CDYL: variants seen among roughly 807,000 people sequenced by gnomAD.
The protein encoded by CDYL is chromodomain Y-like protein.
In CDYL, 8 loss-of-function variants were observed where a neutral mutation model predicts 47.3. The observed-to-expected ratio is 0.17, with a 90% CI of 0.10 to 0.31. CDYL has a LOEUF of 0.31. CDYL is among the 10% of genes least tolerant of loss of function. CDYL has a pLI of 1.00. For synonymous variants in CDYL, 266 were observed against 265.0 expected (o/e 1.00, Z -0.04); for missense variants, 471 against 701.4 (o/e 0.67, Z 3.71).
chr6:4,878,859 T>C (rs897413674), intron 1 of CDYL, among the ~76,000 whole-genome samples: 2 of 152,150 alleles, frequency 1.3e-5, no homozygotes, highest in African/African-American at 4.8e-5. Context: ...AATTATTTTT[T>C]TCTAAGGTGA....
chr6:4,789,932 AAGCTGCCCTTT>A (rs1408843666), intron 1 of CDYL, among the ~76,000 whole-genome samples: 4 of 152,170 alleles, frequency 2.6e-5, no homozygotes, highest in Non-Finnish European at 5.9e-5. Flanking sequence ...AGACGACAGA[AAGCTGCCCTTT>A]ATGCCTTTGT....
intron 2 of CDYL, among the ~76,000 whole-genome samples, chr6:4,935,259 C>G (rs1009223124): frequency 2.6e-5 from 4 of 152,164 alleles, no homozygotes; most frequent in African/African-American, 4.8e-5. Flanking sequence ...TATGTAGCTT[C>G]CTTTCAATAA....
At chr6:4,837,738 C>G (rs1760364568) in intron 1 of CDYL, among the ~76,000 whole-genome samples, 1 of 151,318 alleles carries the variant, frequency 6.6e-6, no homozygotes, top group Non-Finnish European at 1.5e-5. Flanking sequence ...GCTGGGCTTA[C>G]AGGCACATGA....
At chr6:4,877,427 TGACG>T in intron 1 of CDYL, among the ~76,000 whole-genome samples, 1 of 152,338 alleles carries the variant, frequency 6.6e-6, no homozygotes, top group East Asian at 1.9e-4. Context: ...GTCACAAGGA[TGACG>T]TTGGTTTGCT....
chr6:4,761,048 A>G (rs553980586), intron 3 of CDYL, among the ~76,000 whole-genome samples: 1 of 152,282 alleles, frequency 6.6e-6, no homozygotes, highest in African/African-American at 2.4e-5. Context: ...ATGTTATAAT[A>G]TTACTCTAAG....
intron 2 of CDYL, among the ~76,000 whole-genome samples, chr6:4,904,734 T>C (rs1264327327): frequency 6.6e-6 from 1 of 152,168 alleles, no homozygotes; most frequent in Non-Finnish European, 1.5e-5. Flanking sequence ...TAAGTTCTTA[T>C]TTATGTCTGT....
chr6:4,901,590 C>T (rs1372787345), intron 2 of CDYL, among the ~76,000 whole-genome samples: 3 of 152,182 alleles, frequency 2.0e-5, no homozygotes, highest in Admixed American at 6.5e-5. Context: ...GATCAAATCA[C>T]TAGCAGAATT....
At chr6:4,950,637 G>T (rs948236754) in intron 5 of CDYL, among the ~76,000 whole-genome samples, 5 of 152,124 alleles carry the variant, frequency 3.3e-5, no homozygotes, top group African/African-American at 7.2e-5. Context: ...AACTTCTCCA[G>T]ACTCTTCAAA....
rs571314644 is a variant in CDYL at position 4,842,160 on chromosome 6, ATATAT to A, written c.25-49542_25-49538del. ...AAATTATATTACTTATATATTATAA[ATATAT>A]TATATTATATAATAAATTATTAATA... On this transcript the variant is annotated intron_variant, in intron 1 of 6. Coordinates refer to ENST00000397588, the MANE Select transcript of CDYL (RefSeq NM_004824.4). 8.2e-3 allele frequency among the ~76,000 whole-genome samples: 1,184 copies of A among 144,278 alleles called. 12 individuals are homozygous for A. Among genetic ancestry groups the A allele is most frequent in the African/African-American group, 0.027 (1,080 of 39,654 alleles). 94.7% of individuals were successfully genotyped at this position (144,278 alleles called of 152,430 possible).
chr6:4,931,412 G>A (rs149453373), intron 2 of CDYL, among the ~76,000 whole-genome samples: 13 of 152,290 alleles, frequency 8.5e-5, no homozygotes, highest in East Asian at 5.8e-4. Context: ...TTGAGCTGCC[G>A]TCCAGATGAG....
intron 2 of CDYL, among the ~76,000 whole-genome samples, chr6:4,725,856 C>A (rs1757503100): frequency 6.6e-6 from 1 of 152,240 alleles, no homozygotes; most frequent in Non-Finnish European, 1.5e-5. Context: ...TCCGGACACG[C>A]TGTCACCTCT....
intron 2 of CDYL, among the ~76,000 whole-genome samples, chr6:4,723,027 C>T (rs897573772): frequency 6.6e-6 from 1 of 152,176 alleles, no homozygotes; most frequent in African/African-American, 2.4e-5. Context: ...TTATTGAATG[C>T]CTTCTGTGTA....
intron 2 of CDYL, among the ~76,000 whole-genome samples, chr6:4,720,342 T>C (rs1377016265): frequency 6.6e-6 from 1 of 152,238 alleles, no homozygotes; most frequent in Non-Finnish European, 1.5e-5. Context: ...AATAGTTTGA[T>C]GTTTGGATTA....
At position 4,770,543 on chromosome 6, in the gene CDYL, AT is replaced by A. The variant is rs1180372344; in HGVS notation, c.186+35706del. 2.0e-5 allele frequency among the ~76,000 whole-genome samples: 3 copies of A among 152,062 alleles called. No individual in the cohort carries two copies. The East Asian group carries it at 5.8e-4, about 29-fold the overall frequency. Reference sequence around the variant, plus strand: ...TGCTTCTTGTTTGTGTTTATTTATTATTTTTTTAATGTTGCTGTTGACCAAA... The same window carrying A: ...TGCTTCTTGTTTGTGTTTATTTATTATTTTTTAATGTTGCTGTTGACCAAA... On this transcript the variant is annotated intron_variant, in intron 3 of 8. Coordinates refer to the CDYL transcript ENST00000328908.
chr6:4,826,497 C>T (rs1445077269), intron 1 of CDYL, among the ~76,000 whole-genome samples: 1 of 152,108 alleles, frequency 6.6e-6, no homozygotes. Context: ...CATCTATAAA[C>T]TTTCCTCTGA....
intron 3 of CDYL, among the ~76,000 whole-genome samples, chr6:4,758,945 C>T (rs921498117): frequency 6.6e-6 from 1 of 150,430 alleles, no homozygotes; most frequent in Non-Finnish European, 1.5e-5. Flanking sequence ...ATCTTTCTAC[C>T]TCAATCACCC....
At chr6:4,815,060 C>T (rs145425711) in intron 1 of CDYL, among the ~76,000 whole-genome samples, 2 of 151,638 alleles carry the variant, frequency 1.3e-5, no homozygotes, top group African/African-American at 2.4e-5. Flanking sequence ...TCCCAAAGTC[C>T]GATTTTTAAA....
chr6:4,831,850 G>A (rs998208667), intron 1 of CDYL, among the ~76,000 whole-genome samples: 7 of 152,244 alleles, frequency 4.6e-5, no homozygotes, highest in Middle Eastern at 3.4e-3. Flanking sequence ...GTGAATGGGA[G>A]TTCACTCATG....
intron 3 of CDYL, among the ~76,000 whole-genome samples, chr6:4,747,140 C>G (rs1392275376): frequency 2.6e-5 from 4 of 152,006 alleles, no homozygotes; most frequent in African/African-American, 9.7e-5. Flanking sequence ...AACCCTGTCT[C>G]TATTGAAAAT....
Sources: allele counts gnomAD v4.1 joint callset (sites outside exome capture counted in the v4.1 genomes callset), GRCh38; gene constraint gnomAD v4.1.1; transcripts MANE v1.5; gene names NCBI Gene and HGNC (gene_info 2026-07-23, HGNC 2026-07-21).